SOX6: variants seen among roughly 807,000 people sequenced by gnomAD.
SOX6 encodes transcription factor SOX-6.
A neutral mutation model predicts 97.8 loss-of-function variants in SOX6; 11 were observed. That is an observed-to-expected ratio of 0.11 (90% confidence interval 0.07 to 0.19). The LOEUF (loss-of-function observed/expected upper bound fraction) is 0.19. SOX6 is among the 10% of genes least tolerant of loss of function. SOX6 has a pLI of 1.00. For missense variants in SOX6, 810 were observed against 1,039.5 expected (o/e 0.78, Z 3.04); for synonymous variants, 360 against 371.4 (o/e 0.97, Z 0.35).
intron 4 of SOX6, among the ~76,000 whole-genome samples, chr11:16,587,791 T>C (rs1848111951): frequency 6.6e-6 from 1 of 152,110 alleles, no homozygotes. Context: ...CTAACAGACT[T>C]CAAAGACAGC....
At chr11:16,129,080 C>T (rs1040750634) in intron 6 of SOX6, among the ~76,000 whole-genome samples, 1 of 145,916 alleles carries the variant, frequency 6.9e-6, no homozygotes, top group African/African-American at 2.6e-5. Context: ...GTTGGTCAGG[C>T]TGGTCTCGAA....
chr11:16,583,415 A>G (rs1416085235), intron 4 of SOX6, among the ~76,000 whole-genome samples: 1 of 151,196 alleles, frequency 6.6e-6, no homozygotes, highest in African/African-American at 2.4e-5. Context: ...ATATTTGTTA[A>G]CCAACCTCTC....
At chr11:16,055,559 A>G (rs374108622) in intron 10 of SOX6, among the ~76,000 whole-genome samples, 193 bp downstream of exon 10, 1 of 152,218 alleles carries the variant, frequency 6.6e-6, no homozygotes, top group African/African-American at 2.4e-5. Flanking sequence ...AAGATCTCAC[A>G]ATACGGCACT....
intron 1 of SOX6, among the ~76,000 whole-genome samples, chr11:16,388,764 G>A (rs1003759075): frequency 6.6e-5 from 10 of 150,942 alleles, no homozygotes; most frequent in African/African-American, 2.4e-4. Context: ...TTTTTTCTTG[G>A]TCTTTACAAA....
intron 7 of SOX6, among the ~76,000 whole-genome samples, chr11:16,105,125 A>G (rs917965894): frequency 1.3e-5 from 2 of 152,104 alleles, no homozygotes; most frequent in African/African-American, 4.8e-5. Context: ...CCATATAAAT[A>G]TAGATATAAA....
chr11:16,424,405 T>C lies in SOX6; in HGVS notation c.-5+51910A>G, dbSNP rs1285778953. On this transcript the variant is annotated intron_variant, in intron 1 of 15. Coordinates refer to the SOX6 transcript ENST00000396356. ...TAGCAAGACAAATGGTATTTTAAGA[T>C]AACAAACTGAGACTCAAAAAAGGCA... Among the ~76,000 whole-genome samples, 6 of 152,120 alleles carry C rather than the reference T, an allele frequency of 3.9e-5. No individual in the cohort carries two copies. In the East Asian group the frequency reaches 1.2e-3, roughly 29 times the overall value.
At chr11:16,013,497 A>T (rs1347660231) in intron 13 of SOX6, among the ~76,000 whole-genome samples, 1 of 152,004 alleles carries the variant, frequency 6.6e-6, no homozygotes, top group Admixed American at 6.6e-5. Context: ...TTAAGTGCCT[A>T]TGAAAATAAT....
At chr11:16,192,022 C>T (rs779831459) in intron 4 of SOX6, among the ~76,000 whole-genome samples, 4 of 151,958 alleles carry the variant, frequency 2.6e-5, no homozygotes, top group Non-Finnish European at 5.9e-5. Context: ...TTTATCTCTC[C>T]GATGAGAAAG....
Position 16,066,886 on chromosome 11 carries a change from C to T in SOX6, c.1102-10985G>A, listed in dbSNP as rs570721187. The stretch of plus-strand genomic sequence containing the variant: ...CAAGGCCATAGGAGCCCACCTTTTG[C>T]ATCAGTTTGACCTAGATGTGGGACA... On this transcript the variant is annotated intron_variant, in intron 9 of 15. Transcript: ENST00000683767. Among the ~76,000 whole-genome samples the T allele has an allele frequency of 7.2e-5, 11 of 152,242 alleles. No individual in the cohort carries two copies. In the East Asian group the frequency reaches 2.1e-3, roughly 29 times the overall value.
chr11:16,014,368 C>T (rs903539304), intron 13 of SOX6, among the ~76,000 whole-genome samples: 4 of 152,032 alleles, frequency 2.6e-5, no homozygotes, highest in African/African-American at 9.7e-5. Flanking sequence ...CAGGCTGGGC[C>T]TTCCCCAAAC....
chr11:16,552,167 A>C (rs111350573), intron 4 of SOX6, among the ~76,000 whole-genome samples: 5,382 of 152,130 alleles, frequency 0.035, 283 homozygotes, highest in African/African-American at 0.12. Flanking sequence ...CACGGCCCCC[A>C]AAAAAATTAG....
At chr11:16,484,573 C>T (rs72873340) in intron 4 of SOX6, 75,948 of 749,114 alleles carry the variant, frequency 0.1, 4,733 homozygotes, top group Non-Finnish European at 0.13. Flanking sequence ...CAATGGCCAC[C>T]TTCACAGCCT....
intron 12 of SOX6, among the ~76,000 whole-genome samples, chr11:16,021,623 G>C (rs1855061625): frequency 6.6e-6 from 1 of 151,964 alleles, no homozygotes; most frequent in Admixed American, 6.6e-5. Flanking sequence ...ATAGACTTTG[G>C]CTGGAGGAAA....
At chr11:16,328,767 C>G (rs1292933296) in intron 2 of SOX6, among the ~76,000 whole-genome samples, 1 of 152,126 alleles carries the variant, frequency 6.6e-6, no homozygotes, top group African/African-American at 2.4e-5. Context: ...GTTCCAATAA[C>G]TTCTTGCTAA....
chr11:16,374,565 C>A (rs1479632068), intron 1 of SOX6, among the ~76,000 whole-genome samples: 1 of 151,944 alleles, frequency 6.6e-6, no homozygotes, highest in Non-Finnish European at 1.5e-5. Context: ...TCCTTTTCTC[C>A]TATTTAGCAC....
chr11:16,198,080 T>G (rs1851833741), intron 4 of SOX6, among the ~76,000 whole-genome samples: 1 of 151,730 alleles, frequency 6.6e-6, no homozygotes, highest in African/African-American at 2.4e-5. Context: ...TGAGATGGCG[T>G]TTTGCACTTC....
In SOX6 at chr11:16,139,215, T is replaced by C. The variant is rs574549423; in HGVS notation, c.778-27292A>G. Among the ~76,000 whole-genome samples, 7 of 152,274 alleles carry C rather than the reference T, an allele frequency of 4.6e-5. No homozygotes were observed. The South Asian group carries it at 1.2e-3, about 27-fold the overall frequency. On this transcript the variant is annotated intron_variant, in intron 6 of 15. Transcript: ENST00000683767. ...CGTGTTACACTTTTTTTCTACATTTTCCTAAGTACTGTGTGGGGAGATACT... is the reference window on the plus strand; with the variant it reads ...CGTGTTACACTTTTTTTCTACATTTCCCTAAGTACTGTGTGGGGAGATACT...
At chr11:16,155,802 C>G (rs911749968) in intron 6 of SOX6, among the ~76,000 whole-genome samples, 2 of 152,042 alleles carry the variant, frequency 1.3e-5, no homozygotes, top group African/African-American at 4.8e-5. Flanking sequence ...ATTTATTTCC[C>G]TTATTCACTA....
intron 3 of SOX6, among the ~76,000 whole-genome samples, chr11:16,303,730 T>C (rs190666634): frequency 1.3e-5 from 2 of 152,202 alleles, no homozygotes; most frequent in African/African-American, 4.8e-5. Flanking sequence ...ATTTTTACCA[T>C]GTTGAGTCTC....
Sources: allele counts gnomAD v4.1 joint callset (sites outside exome capture counted in the v4.1 genomes callset), GRCh38; gene constraint gnomAD v4.1.1; transcripts MANE v1.5; gene names NCBI Gene and HGNC (gene_info 2026-07-23, HGNC 2026-07-21).